BRWD3: variants seen among roughly 807,000 people sequenced by gnomAD.
BRWD3 encodes the protein bromodomain and WD repeat domain containing 3.
A neutral mutation model predicts 149.7 loss-of-function variants in BRWD3; 10 were observed. The observed-to-expected ratio is 0.07, with a 90% confidence interval of 0.04 to 0.11. The LOEUF (loss-of-function observed/expected upper bound fraction) is 0.11. Ranked by LOEUF, BRWD3 falls within the 10% of genes least tolerant of loss-of-function variation. The probability of loss-of-function intolerance (pLI) is 1.00; values close to 1 mark genes in which losing one functional copy is unlikely to be tolerated. For missense variants in BRWD3, 940 were observed against 1,373.2 expected, an observed-to-expected ratio of 0.68 and a Z score of 4.99; for synonymous variants, 504 against 456.7, an observed-to-expected ratio of 1.10 and a Z score of -1.32.
rs777679180 is a variant in BRWD3, at chrX:80,745,725, A to G, written c.435T>C (p.Asn145=). 3.3e-6 allele frequency: 4 copies of G among 1,200,238 alleles called. No homozygotes were observed. The highest frequency in any genetic ancestry group is 2.2e-5 in the Admixed American group (1 of 45,149). ...VNYVKPPNVV[N]ITSARQLTGC... ...CGGTTAATTGCCTGGCAGAGGTGAT[A>G]TTCACTGAAAAAAATACGAAATTAA... Residue 145 remains asparagine, a synonymous_variant, in exon 7 of 41, where the codon AAT becomes AAC. Transcript: ENST00000373275.
intron 6 of BRWD3, among the ~76,000 whole-genome samples, chrX:80,781,663 T>C (rs1387088949): frequency 9.0e-6 from 1 of 111,536 alleles, no homozygotes; most frequent in East Asian, 2.8e-4. Flanking sequence ...CTTGCCTCAG[T>C]TTAGAAATAT....
chrX:80,689,468 C>G (rs990021072), intron 33 of BRWD3, among the ~76,000 whole-genome samples: 1 of 111,472 alleles, frequency 9.0e-6, no homozygotes, highest in Non-Finnish European at 1.9e-5. Flanking sequence ...ACTAAGCATT[C>G]TTTTAAAATA....
intron 28 of BRWD3, among the ~76,000 whole-genome samples, chrX:80,692,734 T>C (rs149103817): frequency 1.8e-3 from 204 of 111,990 alleles, no homozygotes; most frequent in African/African-American, 6.2e-3. Flanking sequence ...TATTCCTTTG[T>C]TTTAGTCAAA....
intron 6 of BRWD3, among the ~76,000 whole-genome samples, chrX:80,756,502 CAAAAAAAA>C (rs974549325): frequency 1.2e-4 from 5 of 41,328 alleles, no homozygotes; most frequent in South Asian, 7.8e-3. Flanking sequence ...AACTCTGTCT[CAAAAAAAA>C]AAAAAAAAAA....
chrX:80,754,986 C>A (rs1233453846), intron 6 of BRWD3, among the ~76,000 whole-genome samples: 1 of 110,690 alleles, frequency 9.0e-6, no homozygotes, highest in Non-Finnish European at 1.9e-5. Context: ...CCAGCCTGGG[C>A]AACAGAGCGA....
chrX:80,747,583 A>G (rs1229787628), intron 6 of BRWD3, among the ~76,000 whole-genome samples: 1 of 111,402 alleles, frequency 9.0e-6, no homozygotes, highest in Non-Finnish European at 1.9e-5. Flanking sequence ...TGAACATGGG[A>G]TATCTTTCCA....
At chrX:80,764,892 A>G (rs73227321) in intron 6 of BRWD3, among the ~76,000 whole-genome samples, 9,379 of 111,707 alleles carry the variant, frequency 0.084, 375 homozygotes, top group South Asian at 0.19. Context: ...GGATATACAT[A>G]TGGTAAATAA....
chrX:80,677,639 A>G (rs1261375373), intron 40 of BRWD3, among the ~76,000 whole-genome samples: 1 of 111,746 alleles, frequency 8.9e-6, no homozygotes, highest in Non-Finnish European at 1.9e-5. Context: ...ACCTGAGAAC[A>G]CTAATTAGTA....
At chrX:80,802,824 G>C (rs1196682377) in intron 4 of BRWD3, among the ~76,000 whole-genome samples, 5 of 110,878 alleles carry the variant, frequency 4.5e-5, no homozygotes, top group African/African-American at 1.6e-4. Context: ...ATGTCAAGCA[G>C]GCCAGGTGCG....
At chrX:80,693,487 A>G (rs1012178229) in intron 27 of BRWD3, among the ~76,000 whole-genome samples, 1 of 112,166 alleles carries the variant, frequency 8.9e-6, no homozygotes, top group Non-Finnish European at 1.9e-5. Flanking sequence ...AAAGTCTGGA[A>G]CTTCCTAGAG....
intron 4 of BRWD3, among the ~76,000 whole-genome samples, chrX:80,795,656 G>A (rs1421436475): frequency 9.1e-6 from 1 of 109,809 alleles, no homozygotes; most frequent in Non-Finnish European, 1.9e-5. Context: ...AAAGGTAGGA[G>A]AATCACTTGA....
In BRWD3 at chrX:80,676,347, G is replaced by C. The variant is rs2072366422; in HGVS notation, c.*262C>G. 1 of 366,317 alleles carries C rather than the reference G, an allele frequency of 2.7e-6. No individual in the cohort carries two copies. Among genetic ancestry groups the C allele is most frequent in the South Asian group, 4.8e-5 (1 of 20,920 alleles). 30.2% of individuals were successfully genotyped at this position (366,317 alleles called of 1,213,427 possible). On this transcript the variant is annotated 3_prime_UTR_variant, in exon 41 of 41. Coordinates refer to ENST00000373275, the MANE Select transcript of BRWD3 (RefSeq NM_153252.5). ...TGTTGTGTTTCGTGTGTGTGTGTCT[G>C]TGTGTGTGTATGTGTGTGTATGTGT...
At chrX:80,803,055 T>C (rs1295087132) in intron 4 of BRWD3, among the ~76,000 whole-genome samples, 1 of 101,091 alleles carries the variant, frequency 9.9e-6, no homozygotes, top group East Asian at 3.1e-4. Flanking sequence ...TGAGCCGAGA[T>C]TGCGCCACTG....
chrX:80,678,885 A>G (rs2072406060), intron 40 of BRWD3, among the ~76,000 whole-genome samples: 1 of 111,609 alleles, frequency 9.0e-6, no homozygotes, highest in Non-Finnish European at 1.9e-5. Context: ...AGATTAGGGC[A>G]TTTAGGGAGG....
Position 80,669,830 on chromosome X carries a change from T to C in BRWD3, c.*6779A>G, listed in dbSNP as rs2147659744. On this transcript the variant is annotated 3_prime_UTR_variant, in exon 41 of 41. Transcript: ENST00000373275. ...CCTAAATTAAAGAATTTAAAATGTT[T>C]TTATTTCTTCATATATTTACTTACA... 9.0e-6 allele frequency among the ~76,000 whole-genome samples: 1 copy of C among 111,492 alleles called. No individual in the cohort carries two copies. The highest frequency in any genetic ancestry group is 2.8e-4 in the East Asian group (1 of 3,554).
rs2073791761 is a variant in BRWD3 at position 80,760,544 on chromosome X, T to C, written c.431-14815A>G. 2.7e-5 allele frequency among the ~76,000 whole-genome samples: 3 copies of C among 112,159 alleles called. No homozygotes were observed. The South Asian group carries it at 1.1e-3, about 41-fold the overall frequency. Reference sequence around the variant, plus strand: ...GCACAGGAAAATGCCATTTGAAGTGTATGATAGTCTAATGTGCACTGGAAT... The same window carrying C: ...GCACAGGAAAATGCCATTTGAAGTGCATGATAGTCTAATGTGCACTGGAAT... On this transcript the variant is annotated intron_variant, in intron 6 of 40. Transcript: ENST00000373275.
Position 80,672,620 on chromosome X carries a change from T to C in BRWD3, c.*3989A>G. The C allele has an allele frequency of 8.9e-6, 1 of 111,939 alleles. No homozygotes were observed. The highest frequency in any genetic ancestry group is 1.9e-5 in the Non-Finnish European group (1 of 53,119). 9.2% of individuals were successfully genotyped at this position (111,939 alleles called of 1,213,427 possible). A position where few individuals can be genotyped will look rare whatever the true frequency, so the allele number is the denominator to read the frequency against. On this transcript the variant is annotated 3_prime_UTR_variant, in exon 41 of 41. Transcript: ENST00000373275. ...AAGCATGAAAATACTTTCACACTAG[T>C]TTTTGAAATAAGCCATAAAAGTGAC...
intron 6 of BRWD3, among the ~76,000 whole-genome samples, chrX:80,747,508 A>G (rs1486181493): frequency 3.8e-5 from 2 of 52,712 alleles, no homozygotes; most frequent in South Asian, 1.5e-3. Context: ...TAGAAGGGGA[A>G]AAAAAAAACA....
chrX:80,768,517 G>A (rs1388006673), intron 6 of BRWD3, among the ~76,000 whole-genome samples: 1 of 111,317 alleles, frequency 9.0e-6, no homozygotes, highest in African/African-American at 3.3e-5. Flanking sequence ...ATACTTTACA[G>A]ACAAGCAAAC....
Sources: gnomAD v4.1 joint callset for allele counts (sites outside exome capture counted in the v4.1 genomes callset) on GRCh38, gnomAD v4.1.1 for gene constraint, MANE v1.5 for transcripts, NCBI Gene and HGNC (gene_info 2026-07-23, HGNC 2026-07-21) for gene names.